The following SLC4A7 variants were observed in gnomAD, a reference collection of about 807,000 sequenced individuals.
The protein encoded by SLC4A7 is sodium bicarbonate cotransporter 3.
In SLC4A7, 51 loss-of-function variants were observed where a neutral mutation model predicts 137.6. That is an observed-to-expected ratio of 0.37 (90% CI 0.30 to 0.47). The LOEUF is 0.47. SLC4A7 is among the 20% of genes least tolerant of loss of function. SLC4A7 has a pLI of 1.00. For synonymous variants in SLC4A7, 542 were observed against 518.6 expected (o/e 1.05, Z -0.61); for missense variants, 1,247 against 1,525.4 (o/e 0.82, Z 3.04).
chr3:27,409,603 C>T (rs1307704829), intron 12 of SLC4A7, 73 bp from the exon 13 acceptor site: 34 of 1,146,832 alleles, frequency 3.0e-5, no homozygotes, highest in Non-Finnish European at 4.1e-5. Flanking sequence ...AAACTATGGG[C>T]TACACAAAAC....
chr3:27,402,048 G>A (rs978120485), intron 15 of SLC4A7, among the ~76,000 whole-genome samples: 4 of 152,144 alleles, frequency 2.6e-5, no homozygotes, highest in Non-Finnish European at 5.9e-5. Flanking sequence ...GGGGAAGAAC[G>A]AATGAACAAA....
At chr3:27,417,365 A>T (rs1421333273) in intron 11 of SLC4A7, among the ~76,000 whole-genome samples, 1 of 152,250 alleles carries the variant, frequency 6.6e-6, no homozygotes, top group Non-Finnish European at 1.5e-5. Flanking sequence ...TAAAAAAAAT[A>T]AAATGTAATG....
In SLC4A7 at chr3:27,434,121, A is replaced by T. The variant is rs775676530; in HGVS notation, c.590-17T>A. On this transcript the variant is annotated splice_polypyrimidine_tract_variant and intron_variant, in intron 5 of 25. Transcript: ENST00000454389. ...ATACCATATCTATTCAATGAAAAAA[A>T]AAATAAATTACTAAACACTCAGATG... 24 of 1,557,508 alleles carry T rather than the reference A, an allele frequency of 1.5e-5. No homozygotes were observed. The highest frequency in any genetic ancestry group is 4.0e-5 in the Admixed American group (2 of 50,260).
intron 11 of SLC4A7, among the ~76,000 whole-genome samples, chr3:27,416,140 T>C (rs1371961067): frequency 2.0e-5 from 3 of 152,212 alleles, no homozygotes; most frequent in Non-Finnish European, 2.9e-5. Context: ...GAAAAATATA[T>C]GAGAACCTCA....
At chr3:27,446,868 TTTTTTTG>T (rs1396400129) in intron 3 of SLC4A7, among the ~76,000 whole-genome samples, 1 of 77,018 alleles carries the variant, frequency 1.3e-5, no homozygotes, top group Non-Finnish European at 2.9e-5. Flanking sequence ...TAGTAGAGTT[TTTTTTTG>T]TTTTTTTTTG....
At chr3:27,396,112 G>C (rs1343469861) in intron 18 of SLC4A7, among the ~76,000 whole-genome samples, 1 of 152,048 alleles carries the variant, frequency 6.6e-6, no homozygotes, top group African/African-American at 2.4e-5. Flanking sequence ...CCTCAACTTG[G>C]TATTAAGCTT....
Position 27,374,067 on chromosome 3 carries a change from ATT to A in SLC4A7, c.*2695_*2696del, listed in dbSNP as rs1430482150. Reference sequence around the variant, plus strand: ...CCTTTTATCATAAGGAATTTACATCATTGTTTTCTCAAAAGCTGCTATTTTAG... The same window carrying A: ...CCTTTTATCATAAGGAATTTACATCAGTTTTCTCAAAAGCTGCTATTTTAG... On this transcript the variant is annotated 3_prime_UTR_variant, in exon 26 of 26. Coordinates refer to ENST00000454389, the MANE Select transcript of SLC4A7 (RefSeq NM_001321103.2). The A allele has an allele frequency of 5.2e-5, 8 of 152,646 alleles. No homozygotes were observed. In the South Asian group the frequency reaches 1.7e-3, roughly 32 times the overall value. 9.5% of individuals were successfully genotyped at this position (152,646 alleles called of 1,614,324 possible).
chr3:27,402,419 G>A (rs1397753985), intron 15 of SLC4A7, among the ~76,000 whole-genome samples: 1 of 152,030 alleles, frequency 6.6e-6, no homozygotes, highest in Non-Finnish European at 1.5e-5. Flanking sequence ...TCAAGCTTCA[G>A]CCGGGCACAG....
intron 9 of SLC4A7, among the ~76,000 whole-genome samples, chr3:27,421,213 A>G (rs929274758): frequency 6.7e-6 from 1 of 150,202 alleles, no homozygotes; most frequent in Non-Finnish European, 1.5e-5. Context: ...TTAAAATGAG[A>G]TTTTGGCTGG....
At chr3:27,454,393 G>C (rs550059245) in intron 1 of SLC4A7, among the ~76,000 whole-genome samples, 1 of 152,182 alleles carries the variant, frequency 6.6e-6, no homozygotes, top group Non-Finnish European at 1.5e-5. Flanking sequence ...TTGAACCCAG[G>C]AGGCAGAGGT....
intron 24 of SLC4A7, among the ~76,000 whole-genome samples, chr3:27,379,590 A>G (rs1390528726): frequency 6.6e-6 from 1 of 152,206 alleles, no homozygotes; most frequent in Non-Finnish European, 1.5e-5. Flanking sequence ...TTTGCTTCAG[A>G]ATCCAATTTG....
chr3:27,398,952 T>C (rs955927807), intron 16 of SLC4A7, among the ~76,000 whole-genome samples: 2 of 150,290 alleles, frequency 1.3e-5, no homozygotes, highest in Non-Finnish European at 3.0e-5. Context: ...AGTAACGTAA[T>C]AATATAGCAT....
chr3:27,465,852 G>A (rs970008867), intron 1 of SLC4A7, among the ~76,000 whole-genome samples: 8 of 151,648 alleles, frequency 5.3e-5, no homozygotes, highest in African/African-American at 1.7e-4. Flanking sequence ...TACTCGGGAG[G>A]CTGAGGCAGG....
intron 22 of SLC4A7, among the ~76,000 whole-genome samples, chr3:27,386,412 T>A (rs764595739): frequency 2.0e-5 from 3 of 152,104 alleles, no homozygotes; most frequent in Non-Finnish European, 4.4e-5. Flanking sequence ...GAGTACCTAT[T>A]CCCAACATTA....
chr3:27,466,633 G>A (rs143510695), intron 1 of SLC4A7, among the ~76,000 whole-genome samples: 162 of 152,242 alleles, frequency 1.1e-3, no homozygotes, highest in Non-Finnish European at 1.9e-3. Context: ...TTCGAGACCA[G>A]CCTAGCCAAT....
At chr3:27,483,093 T>G (rs2059783018) in intron 1 of SLC4A7, among the ~76,000 whole-genome samples, 1 of 152,274 alleles carries the variant, frequency 6.6e-6, no homozygotes, top group Non-Finnish European at 1.5e-5. Context: ...TTCCCGCCTT[T>G]GCTGGTTGCA....
In SLC4A7 at chr3:27,452,512, A is replaced by C; in HGVS notation, c.61-14T>G. ...TTCATCAGGACCCTAAAAACAAATT[A>C]TTCTCATTGACTCATGAGATCACAA... On this transcript the variant is annotated splice_polypyrimidine_tract_variant and intron_variant, in intron 1 of 25. Coordinates refer to ENST00000454389, the MANE Select transcript of SLC4A7 (RefSeq NM_001321103.2). The C allele has an allele frequency of 6.3e-7, 1 of 1,579,150 alleles. No homozygotes were observed. Among genetic ancestry groups the C allele is most frequent in the Non-Finnish European group, 8.6e-7 (1 of 1,160,608 alleles).
At chr3:27,480,671 C>T (rs1036228551) in intron 1 of SLC4A7, among the ~76,000 whole-genome samples, 8 of 152,216 alleles carry the variant, frequency 5.3e-5, no homozygotes, top group Admixed American at 2.0e-4. Flanking sequence ...AGTATCAATA[C>T]GTAACTGTGA....
chr3:27,402,076 T>A (rs1037602460), intron 15 of SLC4A7, among the ~76,000 whole-genome samples: 1 of 152,182 alleles, frequency 6.6e-6, no homozygotes, highest in African/African-American at 2.4e-5. Context: ...AGTACATGTA[T>A]CTGGGGCTTA....
Sources: allele counts gnomAD v4.1 joint callset (sites outside exome capture counted in the v4.1 genomes callset), GRCh38; gene constraint gnomAD v4.1.1; transcripts MANE v1.5; gene names NCBI Gene and HGNC (gene_info 2026-07-23, HGNC 2026-07-21).